Variants in RSRC2 observed in about 807,000 individuals in gnomAD.
RSRC2 encodes the protein arginine and serine rich coiled-coil 2, also known as arginine/serine-rich coiled-coil protein 2.
In RSRC2, 5 loss-of-function variants were observed where a neutral mutation model predicts 61.3. The ratio of observed to expected loss-of-function variants is 0.08; its 90% CI spans 0.04 to 0.17. RSRC2 has a LOEUF of 0.17. Among genes scored for constraint, RSRC2 ranks in the 10% least tolerant of loss-of-function variants. RSRC2 has a pLI of 1.00. For missense variants in RSRC2, 381 were observed against 518.8 expected, an observed-to-expected ratio of 0.73 and a Z score of 2.58; for synonymous variants, 202 against 166.5, an observed-to-expected ratio of 1.21 and a Z score of -1.64.
At chr12:122,521,487 A>T in intron 2 of RSRC2, 59 bp from the exon 3 acceptor site, 1 of 1,456,778 alleles carries the variant, frequency 6.9e-7, no homozygotes, top group Non-Finnish European at 9.6e-7. Flanking sequence ...ATTTCATCTT[A>T]AAAAACTCTT....
chr12:122,507,075 A>G, intron 8 of RSRC2, 152 bp from the exon 9 acceptor site: 2 of 662,872 alleles, frequency 3.0e-6, no homozygotes, highest in South Asian at 3.2e-5. Context: ...AGAAACCACA[A>G]AGCAAAGAAA....
rs1566318322 is a variant in RSRC2, at chr12:122,504,920, T to C, written c.*607A>G. The C allele has an allele frequency of 1.3e-5, 2 of 152,652 alleles. No individual in the cohort carries two copies. Among genetic ancestry groups the C allele is most frequent in the South Asian group, 2.1e-4 (1 of 4,834 alleles). 9.5% of individuals were successfully genotyped at this position (152,652 alleles called of 1,614,324 possible). ...TTGCTCACCACGGTATTGACTGTAG[T>C]ATAGTTAACTGGCCTTAAAAAGGGT... On this transcript the variant is annotated 3_prime_UTR_variant, in exon 10 of 10. Transcript: ENST00000331738.
chr12:122,524,172 T>G (rs969594076), intron 1 of RSRC2, among the ~76,000 whole-genome samples: 1 of 152,234 alleles, frequency 6.6e-6, no homozygotes, highest in African/African-American at 2.4e-5. Context: ...TGCATCTCCG[T>G]ATCTTTACTG....
At chr12:122,509,906 T>C (rs1282296574) in intron 7 of RSRC2, among the ~76,000 whole-genome samples, 1 of 152,176 alleles carries the variant, frequency 6.6e-6, no homozygotes, top group Non-Finnish European at 1.5e-5. Flanking sequence ...TGGCGTGATG[T>C]TGGCTCACTG....
chr12:122,507,950 G>A, intron 8 of RSRC2: 1 of 472,726 alleles, frequency 2.1e-6, no homozygotes, highest in Non-Finnish European at 3.9e-6. Flanking sequence ...ACAGGTGTGT[G>A]CCACCACACC....
intron 1 of RSRC2, among the ~76,000 whole-genome samples, chr12:122,525,718 GA>G (rs1419335595): frequency 6.6e-6 from 1 of 151,210 alleles, no homozygotes; most frequent in Non-Finnish European, 1.5e-5. Context: ...GGATCCGTCA[GA>G]ATTGGGTATC....
At position 122,525,227 on chromosome 12, in the gene RSRC2, T is replaced by A. The variant is rs1959930386; in HGVS notation, c.6+1621A>T. 2.0e-5 allele frequency among the ~76,000 whole-genome samples: 3 copies of A among 151,842 alleles called. No homozygotes were observed. In the South Asian group the frequency reaches 6.2e-4, roughly 32 times the overall value. On this transcript the variant is annotated intron_variant, in intron 1 of 9. Coordinates refer to ENST00000331738, the MANE Select transcript of RSRC2 (RefSeq NM_023012.6). Reference sequence around the variant, plus strand: ...CGTCTCTACCAAAAATATAAAAAAATTAGCCGGGTGTGGTGGTGGGCGCCT... The same window carrying A: ...CGTCTCTACCAAAAATATAAAAAAAATAGCCGGGTGTGGTGGTGGGCGCCT...
At chr12:122,510,306 C>T (rs779235302) in intron 7 of RSRC2, among the ~76,000 whole-genome samples, 4 of 151,174 alleles carry the variant, frequency 2.6e-5, no homozygotes, top group South Asian at 4.2e-4. Context: ...CCAAGAAGGA[C>T]GATCACCAGG....
At chr12:122,507,047 T>C (rs1291289247) in intron 8 of RSRC2, 124 bp from the exon 9 acceptor site, 2 of 682,386 alleles carry the variant, frequency 2.9e-6, no homozygotes, top group East Asian at 5.5e-5. Flanking sequence ...AATGTAAGTT[T>C]AATTATTTCA....
At chr12:122,512,604 CGCCTGTAATCTCA>C (rs1958610241) in intron 6 of RSRC2, among the ~76,000 whole-genome samples, 1 of 151,584 alleles carries the variant, frequency 6.6e-6, no homozygotes, top group Non-Finnish European at 1.5e-5. Context: ...TGGTGGTGGG[CGCCTGTAATCTCA>C]GCTACTTGGG....
In RSRC2 at chr12:122,526,932, A is replaced by C; in HGVS notation, c.-79T>G. The C allele has an allele frequency of 6.4e-7, 1 of 1,555,114 alleles. No individual in the cohort carries two copies. ...ACCGGCCGCTCCGAAGCTTCGCCTC[A>C]GACTAAATCGCTCGCGCGAGAGACC... On this transcript the variant is annotated 5_prime_UTR_variant, in exon 1 of 10. Transcript: ENST00000331738.
intron 2 of RSRC2, 129 bp from the exon 3 acceptor site, chr12:122,521,557 CG>C (rs1273565317): frequency 6.4e-5 from 47 of 736,826 alleles, no homozygotes; most frequent in African/African-American, 6.0e-4. Flanking sequence ...TTTCATGGCA[CG>C]GGTGGGATTA....
At chr12:122,522,043 A>G (rs1467666854) in intron 2 of RSRC2, 100 bp downstream of exon 2, 2 of 1,259,698 alleles carry the variant, frequency 1.6e-6, no homozygotes, top group East Asian at 2.5e-5. Flanking sequence ...TTGAGCCACC[A>G]TGCCCAGCCA....
rs779264113 is a variant in RSRC2 at position 122,505,547 on chromosome 12, G to A, written c.1285C>T (p.Arg429Ter). The change falls in exon 10 of 10, where the codon CGA (arginine) becomes TGA (stop). Residue 429 changes from arginine (R) to a stop codon, truncating the protein, a stop_gained. Transcript: ENST00000331738. LOFTEE classifies it high-confidence loss of function. ...GMGLGFTSSMRGMDAV is the reference protein window; with the variant it reads ...GMGLGFTSSM ...CATTTTCAAACTGCATCCATTCCTC[G>A]CATTGAAGATGTGAAACCCAAACCC... 11 of 1,613,380 alleles carry A rather than the reference G, an allele frequency of 6.8e-6. No homozygotes were observed. Among genetic ancestry groups the A allele is most frequent in the Middle Eastern group, 1.6e-4 (1 of 6,084 alleles).
intron 5 of RSRC2, among the ~76,000 whole-genome samples, chr12:122,515,609 A>G (rs1337113330): frequency 6.6e-6 from 1 of 152,228 alleles, no homozygotes; most frequent in Admixed American, 6.5e-5. Flanking sequence ...GTAGGTCAAT[A>G]TGTATACCAC....
In RSRC2 at chr12:122,503,674, T is replaced by C. The variant is rs1957991172; in HGVS notation, c.*1853A>G. The C allele has an allele frequency of 2.0e-5, 3 of 152,192 alleles. No homozygotes were observed. The highest frequency in any genetic ancestry group is 1.3e-4 in the Admixed American group (2 of 15,280). The allele number at this position is 152,192 out of a possible 1,614,324, so 9.4% of individuals were successfully genotyped here. ...TGATGATCACGAAATGAAGGATCCA[T>C]AGTGTCATTTCCTTAGAAGGCTTAG... On this transcript the variant is annotated 3_prime_UTR_variant, in exon 10 of 10. Coordinates refer to ENST00000331738, the MANE Select transcript of RSRC2 (RefSeq NM_023012.6).
rs1958702657 is a variant in RSRC2 at position 122,513,726 on chromosome 12, T to C, written c.725+1379A>G. 6 of 927,864 alleles carry C rather than the reference T, an allele frequency of 6.5e-6. 1 individual carries two copies. In the South Asian group the frequency reaches 3.0e-4, roughly 46 times the overall value. The allele number at this position is 927,864 out of a possible 1,614,324, so 57.5% of individuals were successfully genotyped here. A position where few individuals can be genotyped will look rare whatever the true frequency, so the allele number is the denominator to read the frequency against. On this transcript the variant is annotated intron_variant, in intron 6 of 9. Coordinates refer to ENST00000331738, the MANE Select transcript of RSRC2 (RefSeq NM_023012.6). ...ATGGCCATTGAAGATTTGGAATTAA[T>C]ACCATTCACTAAGGTGAATGGAAAG...
chr12:122,513,704 G>T, intron 6 of RSRC2: 1 of 671,514 alleles, frequency 1.5e-6, no homozygotes, highest in Non-Finnish European at 1.8e-6. Context: ...CATTAAAATG[G>T]CCATTGAAGA....
intron 1 of RSRC2, among the ~76,000 whole-genome samples, chr12:122,524,946 T>C (rs1421416456): frequency 6.6e-6 from 1 of 152,184 alleles, no homozygotes; most frequent in African/African-American, 2.4e-5. Context: ...TAATAACGGC[T>C]CGAAACATAG....
Sources: gnomAD v4.1 joint callset for allele counts (sites outside exome capture counted in the v4.1 genomes callset) on GRCh38, gnomAD v4.1.1 for gene constraint, MANE v1.5 for transcripts, NCBI Gene and HGNC (gene_info 2026-07-23, HGNC 2026-07-21) for gene names.